Variants in TASOR observed in about 807,000 individuals in gnomAD.
The protein encoded by TASOR is transcription activation suppressor.
A neutral mutation model predicts 178.6 loss-of-function variants in TASOR; 53 were observed. That is an observed-to-expected ratio of 0.30 (90% CI 0.24 to 0.37). The LOEUF (loss-of-function observed/expected upper bound fraction) is 0.37. Ranked by LOEUF, TASOR falls within the 10% of genes least tolerant of loss-of-function variation. TASOR has a pLI of 1.00. For missense variants in TASOR, 1,815 were observed against 1,971.4 expected (o/e 0.92, Z 1.50); for synonymous variants, 713 against 696.2 (o/e 1.02, Z -0.38).
At chr3:56,630,562 G>A (rs115038393) in intron 18 of TASOR, among the ~76,000 whole-genome samples, 1,536 of 152,242 alleles carry the variant, frequency 0.01, 34 homozygotes, top group African/African-American at 0.035. Flanking sequence ...TAAATGTAAC[G>A]GCTGGGTGCG....
intron 16 of TASOR, 116 bp downstream of exon 16, chr3:56,639,870 A>G: frequency 5.0e-6 from 4 of 804,908 alleles, no homozygotes; most frequent in Non-Finnish European, 7.8e-6. Context: ...TGTCAGCACC[A>G]ATTAAGATGA....
Position 56,640,113 on chromosome 3 carries a change from G to A in TASOR, c.2637C>T (p.Ser879=), listed in dbSNP as rs371294093. 12 of 1,612,216 alleles carry A rather than the reference G, an allele frequency of 7.4e-6. No individual in the cohort carries two copies. The highest frequency in any genetic ancestry group is 5.5e-5 in the South Asian group (5 of 90,436). Residue 879 remains serine, a synonymous_variant, in exon 16 of 24, where the codon AGC becomes AGT. Transcript: ENST00000683822. The part of the protein sequence containing the change: ...LHLKEDPNLI[S]VNNFEDCSLC... ...AACTGCAATCTTCAAAATTATTCAC[G>A]CTAATTAAATTTGGATCCTAAAAAT...
Position 56,633,175 on chromosome 3 carries a change from A to C in TASOR, c.3616T>G (p.Ser1206Ala). Reference protein sequence around the residue: ...DVNISAQPALSNFISQLEPEV... With the variant: ...DVNISAQPALANFISQLEPEV... ...GGTTCTAACTGGCTTATAAAATTTG[A>C]AAGAGCTGGTTGAGCAGAAATGTTT... Residue 1206 changes from serine (S) to alanine (A), a missense_variant, in exon 18 of 24, where the codon TCA (serine) becomes GCA (alanine). Physicochemically the swap from Ser to Ala is moderately conservative, Grantham distance 99. This residue lies in a region of TASOR where 655 missense variants were observed against 671.1 expected (regional missense o/e 0.98). Coordinates refer to ENST00000683822, the MANE Select transcript of TASOR (RefSeq NM_001365635.2). 1.2e-6 allele frequency: 2 copies of C among 1,614,210 alleles called. No individual in the cohort carries two copies. Among genetic ancestry groups the C allele is most frequent in the African/African-American group, 1.3e-5 (1 of 75,064 alleles).
At chr3:56,662,111 C>T (rs2077609804) in intron 9 of TASOR, among the ~76,000 whole-genome samples, 1 of 141,070 alleles carries the variant, frequency 7.1e-6, no homozygotes, top group African/African-American at 2.6e-5. Flanking sequence ...GACTGAGTGA[C>T]AAGAGCGAAA....
In TASOR at chr3:56,646,610, G is replaced by A; in HGVS notation, c.2127C>T (p.Val709=). The change falls in exon 14 of 24, where the codon GTC becomes GTT. Residue 709 remains valine (V), a synonymous_variant. Transcript: ENST00000683822. ...GTAGATCCTCAAGCTTCCTCTTCAA[G>A]ACAGTTTTGCTTCTCATATCTTCTG... The part of the protein sequence containing the change: ...SDTEDMRSKT[V]LKRKLEDLPE... The A allele has an allele frequency of 6.2e-7, 1 of 1,613,290 alleles. No homozygotes were observed. Among genetic ancestry groups the A allele is most frequent in the Non-Finnish European group, 8.5e-7 (1 of 1,179,954 alleles).
At chr3:56,651,587 C>A (rs1335234648) in intron 11 of TASOR, among the ~76,000 whole-genome samples, 5 of 151,900 alleles carry the variant, frequency 3.3e-5, no homozygotes, top group Non-Finnish European at 7.4e-5. Context: ...ATAGTCCTGG[C>A]TACTTGGAAA....
In TASOR at chr3:56,669,640, A is replaced by C. The variant is rs2030462373; in HGVS notation, c.735+60T>G. ...AATCTCCTAAAAACAGCATCATCTA[A>C]AAATTAAAATCCAAATCAAGTGTAG... is the stretch of plus-strand genomic sequence containing the variant. On this transcript the variant is annotated intron_variant, in intron 5 of 23. Coordinates refer to ENST00000683822, the MANE Select transcript of TASOR (RefSeq NM_001365635.2). 2.7e-6 allele frequency: 3 copies of C among 1,094,616 alleles called. No homozygotes were observed. The South Asian group carries it at 4.5e-5, about 16-fold the overall frequency. The allele number at this position is 1,094,616 out of a possible 1,614,324, so 67.8% of individuals were successfully genotyped here. A position where few individuals can be genotyped will look rare whatever the true frequency, so the allele number is the denominator to read the frequency against.
rs144214683 is a variant in TASOR at position 56,633,605 on chromosome 3, G to T, written c.3186C>A (p.Ser1062=). Residue 1062 remains serine, a synonymous_variant, in exon 18 of 24, where the codon TCC becomes TCA. Transcript: ENST00000683822. ...FSTQEKMKRL[S]EFIYSKTSKA... is the part of the protein sequence containing the mutation. ...TGGAAGTCTTAGAATATATGAACTC[G>T]GAAAGCCGTTTCATCTTCTCTTGTG... The T allele has an allele frequency of 1.2e-6, 2 of 1,613,946 alleles. No individual in the cohort carries two copies. The highest frequency in any genetic ancestry group is 4.5e-5 in the East Asian group (2 of 44,882).
chr3:56,646,446 T>G (rs1274421237), intron 14 of TASOR, 76 bp downstream of exon 14: 2 of 1,257,128 alleles, frequency 1.6e-6, no homozygotes, highest in African/African-American at 1.5e-5. Context: ...AGGCTTTAAT[T>G]TATACGCCCC....
chr3:56,662,483 A>G lies in TASOR; in HGVS notation c.1062T>C (p.Tyr354=), dbSNP rs370695627. ...GCTGTCCTTTCCACAAGGTATAGTT[A>G]TATTTATCTAAATAAAAAGAATATA... is the stretch of plus-strand genomic sequence containing the variant. ...SFNTDRNIDK[Y]NYTLWKGQLL... is the part of the protein sequence containing the mutation. Residue 354 remains tyrosine (Y), a synonymous_variant, in exon 9 of 24, where the codon TAT becomes TAC. Transcript: ENST00000683822. 14 of 1,458,440 alleles carry G rather than the reference A, an allele frequency of 9.6e-6. No individual in the cohort carries two copies. In the African/African-American group the frequency reaches 1.7e-4, roughly 18 times the overall value. The allele number at this position is 1,458,440 out of a possible 1,614,324, so 90.3% of individuals were successfully genotyped here. A position where few individuals can be genotyped will look rare whatever the true frequency, so the allele number is the denominator to read the frequency against.
At position 56,646,397 on chromosome 3, in the gene TASOR, T is replaced by G. The variant is rs984202226; in HGVS notation, c.2215+125A>C. 7 of 745,004 alleles carry G rather than the reference T, an allele frequency of 9.4e-6. No homozygotes were observed. In the Admixed American group the frequency reaches 1.8e-4, roughly 19 times the overall value. The allele number at this position is 745,004 out of a possible 1,614,324, so 46.1% of individuals were successfully genotyped here. A position where few individuals can be genotyped will look rare whatever the true frequency, so the allele number is the denominator to read the frequency against. ...GGCATGGCTGTATTCAAATACAACT[T>G]TCTTTACAAAAATAGTGGACAGGCT... On this transcript the variant is annotated intron_variant, in intron 14 of 23. Transcript: ENST00000683822.
Position 56,671,632 on chromosome 3 carries a change from A to AT in TASOR, c.537dup (p.Ser180IlefsTer8). On this transcript the variant is annotated frameshift_variant, in exon 3 of 24. Coordinates refer to ENST00000683822, the MANE Select transcript of TASOR (RefSeq NM_001365635.2). LOFTEE classifies it high-confidence loss of function. ...CGATCAACCATCAGAAATGCATAGG[A>AT]TTCTGAAAGTTCCTTATCTAAACGA... The AT allele has an allele frequency of 6.5e-7, 1 of 1,549,728 alleles. No homozygotes were observed. The highest frequency in any genetic ancestry group is 8.7e-7 in the Non-Finnish European group (1 of 1,145,958).
chr3:56,676,123 C>T (rs2031274384), intron 1 of TASOR, among the ~76,000 whole-genome samples: 1 of 150,912 alleles, frequency 6.6e-6, no homozygotes, highest in South Asian at 2.1e-4. Flanking sequence ...TGCTCGGTAA[C>T]CTATTGATTG....
intron 18 of TASOR, among the ~76,000 whole-genome samples, chr3:56,630,027 G>A (rs1006039511): frequency 4.0e-5 from 6 of 150,926 alleles, no homozygotes; most frequent in Non-Finnish European, 7.4e-5. Flanking sequence ...GTGCAGTGGC[G>A]CTATCTCGGC....
intron 7 of TASOR, 64 bp from the exon 8 acceptor site, chr3:56,663,636 T>G (rs2077646621): frequency 8.1e-7 from 1 of 1,233,228 alleles, no homozygotes; most frequent in African/African-American, 1.6e-5. Flanking sequence ...AATTAACATG[T>G]AAGATGATAT....
At chr3:56,667,168 G>A (rs956809537) in intron 6 of TASOR, among the ~76,000 whole-genome samples, 1 of 152,118 alleles carries the variant, frequency 6.6e-6, no homozygotes, top group Non-Finnish European at 1.5e-5. Context: ...ACTGTCCAGA[G>A]GGTAATCAAA....
intron 11 of TASOR, among the ~76,000 whole-genome samples, chr3:56,653,948 C>A (rs1455305800): frequency 1.3e-5 from 2 of 152,102 alleles, no homozygotes; most frequent in Non-Finnish European, 2.9e-5. Flanking sequence ...GACTTAAAGA[C>A]AGAAATAGCA....
At chr3:56,657,640 G>C (rs542114326) in intron 11 of TASOR, among the ~76,000 whole-genome samples, 4 of 152,236 alleles carry the variant, frequency 2.6e-5, no homozygotes, top group Non-Finnish European at 4.4e-5. Context: ...GCAAAGAGAG[G>C]TTCCTAGGTT....
At chr3:56,659,150 T>G (rs562418831) in intron 11 of TASOR, among the ~76,000 whole-genome samples, 1 of 152,342 alleles carries the variant, frequency 6.6e-6, no homozygotes, top group African/African-American at 2.4e-5. Flanking sequence ...AATTAAATTC[T>G]ATGTAGCCAT....
Sources: gnomAD v4.1 joint callset for allele counts (sites outside exome capture counted in the v4.1 genomes callset) on GRCh38, gnomAD v4.1.1 for gene constraint, gnomAD v4.1.1 regional missense constraint, MANE v1.5 for transcripts, NCBI Gene and HGNC (gene_info 2026-07-23, HGNC 2026-07-21) for gene names.